Variants in RANBP2 observed in about 807,000 individuals in gnomAD.
RANBP2 encodes the protein RAN binding protein 2.
RANBP2 carries 57 observed loss-of-function variants against 303.6 expected under a neutral mutation model. The observed-to-expected ratio is 0.19, with a 90% confidence interval of 0.15 to 0.23. The LOEUF (loss-of-function observed/expected upper bound fraction) is 0.23, where lower values mean the gene tolerates loss of function less well. Among genes scored for constraint, RANBP2 ranks in the 10% least tolerant of loss-of-function variants. RANBP2 has a pLI of 1.00. For missense variants in RANBP2, 3,138 were observed against 3,780.8 expected, an observed-to-expected ratio of 0.83 and a Z score of 4.46; for synonymous variants, 1,167 against 1,301.5, an observed-to-expected ratio of 0.90 and a Z score of 2.23.
At chr2:109,230,265 A>G in the RANBP2 span, among the ~76,000 whole-genome samples, 1,933 of 152,258 alleles carry the variant, frequency 0.013, 20 homozygotes, top group South Asian at 0.024. Context: ...TGCAAAAGCC[A>G]TATACTTCCA....
chr2:108,795,138 T>G, the RANBP2 span, among the ~76,000 whole-genome samples: 1 of 150,292 alleles, frequency 6.7e-6, no homozygotes, highest in Non-Finnish European at 1.5e-5. Flanking sequence ...GGGTTTTTTG[T>G]TTCTAAAGTG....
the RANBP2 span, among the ~76,000 whole-genome samples, chr2:109,400,604 T>C: frequency 1.3e-4 from 19 of 151,566 alleles, no homozygotes; most frequent in African/African-American, 4.6e-4. Context: ...TGAACTTATA[T>C]GCGTCCCTTC....
the RANBP2 span, among the ~76,000 whole-genome samples, chr2:109,172,634 G>A: frequency 4.8e-4 from 73 of 152,302 alleles, no homozygotes; most frequent in African/African-American, 1.7e-3. Context: ...CCTCTCCGGA[G>A]CCCATAGCAG....
chr2:109,216,263 C>T, the RANBP2 span, among the ~76,000 whole-genome samples: 1 of 152,228 alleles, frequency 6.6e-6, no homozygotes, highest in Non-Finnish European at 1.5e-5. Context: ...TCTCTCTGGC[C>T]AGCTCTAGCC....
At chr2:108,758,354 G>A (rs531890978) in intron 17 of RANBP2, 59 bp from the exon 18 acceptor site, 886 of 1,605,204 alleles carry the variant, frequency 5.5e-4, no homozygotes, top group Admixed American at 1.0e-3. Flanking sequence ...CCCCAGCACT[G>A]TTTCTGTCAT....
At chr2:109,133,122 T>C in the RANBP2 span, among the ~76,000 whole-genome samples, 1 of 152,210 alleles carries the variant, frequency 6.6e-6, no homozygotes, top group East Asian at 1.9e-4. Context: ...TCTGCCCAGC[T>C]CTCAGAAGGT....
At chr2:109,722,642 T>A in the RANBP2 span, among the ~76,000 whole-genome samples, 3 of 152,114 alleles carry the variant, frequency 2.0e-5, no homozygotes, top group Non-Finnish European at 2.9e-5. Context: ...TCCCTCACCC[T>A]CCCCACGACA....
At chr2:109,715,832 A>C in the RANBP2 span, among the ~76,000 whole-genome samples, 3 of 152,198 alleles carry the variant, frequency 2.0e-5, no homozygotes, top group Admixed American at 2.0e-4. Flanking sequence ...GCTATGTGCC[A>C]GGAAACAGGG....
the RANBP2 span, among the ~76,000 whole-genome samples, chr2:108,810,383 T>C: frequency 1.3e-5 from 2 of 152,246 alleles, no homozygotes; most frequent in Non-Finnish European, 2.9e-5. Flanking sequence ...CAAATACTTT[T>C]TCTGTGTCTA....
chr2:108,990,437 C>CAAAAAAAAA, the RANBP2 span, among the ~76,000 whole-genome samples: 1 of 70,608 alleles, frequency 1.4e-5, no homozygotes. Flanking sequence ...GACTCCGTCT[C>CAAAAAAAAA]AAAAAAAAAA....
At chr2:109,374,635 C>T in the RANBP2 span, among the ~76,000 whole-genome samples, 1 of 152,176 alleles carries the variant, frequency 6.6e-6, no homozygotes, top group African/African-American at 2.4e-5. Context: ...ATGCTTGTCC[C>T]CTGGTGCAAG....
chr2:108,807,915 A>T, the RANBP2 span, among the ~76,000 whole-genome samples: 2 of 152,036 alleles, frequency 1.3e-5, no homozygotes, highest in African/African-American at 4.8e-5. Context: ...AGCCCCTCCT[A>T]TCCAGTTCTA....
At chr2:109,398,760 CAAG>C in the RANBP2 span, 10 of 1,613,502 alleles carry the variant, frequency 6.2e-6, no homozygotes, top group East Asian at 4.5e-5. Context: ...GTGTGGATGG[CAAG>C]AAGAACACCA....
the RANBP2 span, among the ~76,000 whole-genome samples, chr2:109,034,540 G>A: frequency 6.6e-6 from 1 of 152,146 alleles, no homozygotes; most frequent in African/African-American, 2.4e-5. Flanking sequence ...GGCAGAGGGA[G>A]GCACAGTGAG....
the RANBP2 span, among the ~76,000 whole-genome samples, chr2:109,659,825 C>A: frequency 6.6e-6 from 1 of 152,212 alleles, no homozygotes; most frequent in Non-Finnish European, 1.5e-5. Flanking sequence ...AATCTCCAGT[C>A]TGGGAGGGCT....
chr2:109,090,970 C>G, the RANBP2 span, among the ~76,000 whole-genome samples: 1 of 152,174 alleles, frequency 6.6e-6, no homozygotes, highest in South Asian at 2.1e-4. Context: ...GAAAGCTGAT[C>G]GTTTTTATTT....
the RANBP2 span, among the ~76,000 whole-genome samples, chr2:109,603,669 C>T: frequency 6.6e-6 from 1 of 152,060 alleles, no homozygotes; most frequent in African/African-American, 2.4e-5. Context: ...ATACATACAA[C>T]TAAAAATCTG....
the RANBP2 span, chr2:109,503,496 AAAG>A: frequency 6.6e-6 from 1 of 152,214 alleles, no homozygotes; most frequent in Admixed American, 6.5e-5. Context: ...GTTCAGAATC[AAAG>A]AAGAAAAAGT....
the RANBP2 span, among the ~76,000 whole-genome samples, chr2:109,168,427 TC>T: frequency 6.6e-6 from 1 of 152,210 alleles, no homozygotes; most frequent in Non-Finnish European, 1.5e-5. Context: ...CTAGCTAGAT[TC>T]CTGTGCTTGC....
Sources: allele counts gnomAD v4.1 joint callset (sites outside exome capture counted in the v4.1 genomes callset), GRCh38; gene constraint gnomAD v4.1.1; transcripts MANE v1.5; gene names NCBI Gene and HGNC (gene_info 2026-07-23, HGNC 2026-07-21).